The following HK2 variants were observed in gnomAD, a reference collection of about 807,000 sequenced individuals.
The protein encoded by HK2 is hexokinase-2.
Under a neutral mutation model 92.9 loss-of-function variants are expected in HK2, and 42 were observed. The observed-to-expected ratio is 0.45, with a 90% CI of 0.35 to 0.58. HK2 has a LOEUF of 0.58. HK2 is among the 20% of genes least tolerant of loss of function. The pLI, the probability that HK2 is intolerant of heterozygous loss-of-function variation, is 0.00. For missense variants in HK2, 978 were observed against 1,245.1 expected, an observed-to-expected ratio of 0.79 and a Z score of 3.23; for synonymous variants, 422 against 468.0, an observed-to-expected ratio of 0.90 and a Z score of 1.27.
intron 13 of HK2, 60 bp from the exon 14 acceptor site, chr2:74,886,234 G>A (rs1558805676): frequency 1.7e-6 from 2 of 1,187,340 alleles, no homozygotes; most frequent in East Asian, 2.3e-5. Flanking sequence ...CCATGCAATT[G>A]TCTGAAAGGA....
At position 74,880,247 on chromosome 2, in the gene HK2, C is replaced by G; in HGVS notation, c.1266-18C>G. The G allele has an allele frequency of 6.2e-7, 1 of 1,613,876 alleles. No individual in the cohort carries two copies. ...TAACCATGGACACCTGTCTCTTACC[C>G]GCCCTGGGGAACTGCAGTTTTGCCA... is the stretch of plus-strand genomic sequence containing the variant. On this transcript the variant is annotated intron_variant, in intron 9 of 17. Coordinates refer to ENST00000290573, the MANE Select transcript of HK2 (RefSeq NM_000189.5).
chr2:74,883,227 C>T (rs1482112448), intron 12 of HK2, among the ~76,000 whole-genome samples: 1 of 152,156 alleles, frequency 6.6e-6, no homozygotes, highest in Admixed American at 6.5e-5. Context: ...AGGCATGGCT[C>T]CTACCTTTAG....
At chr2:74,856,517 A>G (rs1468176130) in intron 2 of HK2, among the ~76,000 whole-genome samples, 2 of 152,170 alleles carry the variant, frequency 1.3e-5, no homozygotes, top group Non-Finnish European at 2.9e-5. Context: ...TGACATTCAG[A>G]TAAATGTACA....
At chr2:74,854,611 C>A (rs1048866951) in intron 2 of HK2, among the ~76,000 whole-genome samples, 156 bp downstream of exon 2, 1 of 152,312 alleles carries the variant, frequency 6.6e-6, no homozygotes, top group East Asian at 1.9e-4. Flanking sequence ...GACGGATGGA[C>A]AGGAAGCTTG....
At chr2:74,870,064 G>A (rs151224033) in intron 3 of HK2, among the ~76,000 whole-genome samples, 420 of 149,740 alleles carry the variant, frequency 2.8e-3, no homozygotes, top group African/African-American at 9.3e-3. Context: ...CCAAGAGTGC[G>A]GTGGCACCAT....
At position 74,872,350 on chromosome 2, in the gene HK2, A is replaced by C. The variant is rs2229621; in HGVS notation, c.426A>C (p.Gln142His). 1 of 1,613,234 alleles carries C rather than the reference A, an allele frequency of 6.2e-7. No individual in the cohort carries two copies. The highest frequency in any genetic ancestry group is 8.5e-7 in the Non-Finnish European group (1 of 1,179,478). ...ECLANFMDKL[Q>H]IKDKKLPLGF... ...TGGCTAACTTCATGGATAAGCTACA[A>C]ATCAAAGACAAGAAGCTCCCACTGG... The change falls in exon 4 of 18, where the codon CAA (glutamine) becomes CAC (histidine). Residue 142 changes from glutamine (Q) to histidine (H), a missense_variant. By Grantham distance (24) the Gln-to-His change is conservative. Around this residue, in one of 3 missense-constraint regions of HK2, gnomAD observed 189 missense variants for 289.5 expected, o/e 0.65. Coordinates refer to ENST00000290573, the MANE Select transcript of HK2 (RefSeq NM_000189.5).
chr2:74,838,829 C>T (rs184916812), intron 1 of HK2, among the ~76,000 whole-genome samples: 15 of 152,264 alleles, frequency 9.9e-5, no homozygotes, highest in Non-Finnish European at 2.1e-4. Flanking sequence ...TGAGCCACCG[C>T]GCCTGGCTGA....
chr2:74,875,131 A>C (rs1189343815), intron 7 of HK2, among the ~76,000 whole-genome samples: 1 of 152,180 alleles, frequency 6.6e-6, no homozygotes, highest in Non-Finnish European at 1.5e-5. Context: ...CATTTGCCAA[A>C]TGTGCGTGTG....
chr2:74,880,280 A>T lies in HK2; in HGVS notation c.1281A>T (p.Leu427=), dbSNP rs775454451. The T allele has an allele frequency of 6.2e-7, 1 of 1,614,180 alleles. No homozygotes were observed. The highest frequency in any genetic ancestry group is 8.5e-7 in the Non-Finnish European group (1 of 1,180,042). Residue 427 remains leucine, a synonymous_variant, in exon 10 of 18, where the codon CTA becomes CTT. Transcript: ENST00000290573. ...GGAACTGCAGTTTTGCCAAGCGTCTACATAAGACCGTGCGGCGGCTGGTGC... is the reference window on the plus strand; with the variant it reads ...GGAACTGCAGTTTTGCCAAGCGTCTTCATAAGACCGTGCGGCGGCTGGTGC... ...YKKHPHFAKR[L]HKTVRRLVPG... is the part of the protein sequence containing the mutation.
chr2:74,842,827 C>T (rs145560747), intron 1 of HK2, among the ~76,000 whole-genome samples: 90 of 152,350 alleles, frequency 5.9e-4, no homozygotes, highest in African/African-American at 2.1e-3. Flanking sequence ...GACATTAGTG[C>T]ACTTCAGGTT....
Position 74,834,780 on chromosome 2 carries a change from G to T in HK2, c.63+137G>T. 1 of 930,730 alleles carries T rather than the reference G, an allele frequency of 1.1e-6. No individual in the cohort carries two copies. Among genetic ancestry groups the T allele is most frequent in the South Asian group, 1.3e-5 (1 of 74,508 alleles). The allele number at this position is 930,730 out of a possible 1,614,324, so 57.7% of individuals were successfully genotyped here. A position where few individuals can be genotyped will look rare whatever the true frequency, so the allele number is the denominator to read the frequency against. ...GAGCGGAAAAAGTTTGGGCAGCCGG[G>T]ACACTCCTGGGCGCCAGGAGCCACG... On this transcript the variant is annotated intron_variant, in intron 1 of 17. Transcript: ENST00000290573. This position sits in a 1 kb window ranked among gnomAD's most constrained non-coding sequence, Gnocchi z 4.2.
At chr2:74,849,963 C>A (rs978067818) in intron 1 of HK2, among the ~76,000 whole-genome samples, 2 of 152,246 alleles carry the variant, frequency 1.3e-5, no homozygotes, top group Admixed American at 6.5e-5. Flanking sequence ...CAGAAACTTA[C>A]ATCTCTTAAA....
chr2:74,835,213 G>A (rs960537507), intron 1 of HK2: 1 of 171,350 alleles, frequency 5.8e-6, no homozygotes, highest in Non-Finnish European at 1.3e-5. Context: ...TCCGCCCGCC[G>A]CGCCCCCTCC....
At chr2:74,883,310 G>C (rs1020006086) in intron 12 of HK2, among the ~76,000 whole-genome samples, 3 of 152,168 alleles carry the variant, frequency 2.0e-5, no homozygotes, top group Non-Finnish European at 4.4e-5. Flanking sequence ...TGTGGCCCTC[G>C]TGGGATGGAT....
chr2:74,891,219 C>G lies in HK2; in HGVS notation c.*278C>G. On this transcript the variant is annotated 3_prime_UTR_variant, in exon 18 of 18. Transcript: ENST00000290573. ...CATGAAAATTATCTCCCTTAGTAAT[C>G]CCCCTTGCCAAATTCCATGTCCCTG... is the stretch of plus-strand genomic sequence containing the variant. The G allele has an allele frequency of 2.2e-6, 1 of 451,544 alleles. No homozygotes were observed. Among genetic ancestry groups the G allele is most frequent in the Non-Finnish European group, 4.1e-6 (1 of 244,038 alleles). 28.0% of individuals were successfully genotyped at this position (451,544 alleles called of 1,614,324 possible).
chr2:74,844,185 G>C (rs939567067), intron 1 of HK2, among the ~76,000 whole-genome samples: 4 of 151,992 alleles, frequency 2.6e-5, no homozygotes, highest in African/African-American at 9.7e-5. Flanking sequence ...GGACCATGTA[G>C]TCTAAACAAA....
intron 17 of HK2, 25 bp from the exon 18 acceptor site, chr2:74,890,772 T>C (rs377619517): frequency 4.3e-6 from 7 of 1,614,054 alleles, no homozygotes; most frequent in Non-Finnish European, 5.9e-6. Flanking sequence ...TGGTTTTTCC[T>C]GTGTCTTCCT....
At chr2:74,873,523 C>T (rs920520792) in intron 5 of HK2, 152 bp downstream of exon 5, 7 of 628,682 alleles carry the variant, frequency 1.1e-5, no homozygotes, top group Admixed American at 8.7e-5. Flanking sequence ...ATTTTGTATG[C>T]GATCTGCTGC....
At position 74,886,526 on chromosome 2, in the gene HK2, G is replaced by A. The variant is rs746400081; in HGVS notation, c.2072G>A (p.Arg691His). The A allele has an allele frequency of 6.8e-6, 11 of 1,613,866 alleles. No homozygotes were observed. Among genetic ancestry groups the A allele is most frequent in the East Asian group, 4.5e-5 (2 of 44,898 alleles). ...GSNACYMEEM[R>H]NVELVEGEEG... ...AATGCCTGCTACATGGAGGAGATGCGCAACGTGGAACTGGTGGAAGGAGAA... is the reference window on the plus strand; with the variant it reads ...AATGCCTGCTACATGGAGGAGATGCACAACGTGGAACTGGTGGAAGGAGAA... Residue 691 changes from arginine to histidine, a missense_variant, in exon 15 of 18, where the codon CGC (arginine) becomes CAC (histidine). Coordinates refer to ENST00000290573, the MANE Select transcript of HK2 (RefSeq NM_000189.5).
Sources: allele counts gnomAD v4.1 joint callset (sites outside exome capture counted in the v4.1 genomes callset), GRCh38; gene constraint gnomAD v4.1.1; regional missense constraint gnomAD v4.1.1; non-coding constraint Gnocchi (gnomAD v3.1); transcripts MANE v1.5; gene names NCBI Gene and HGNC (gene_info 2026-07-23, HGNC 2026-07-21).